The following RANBP17 variants were observed in gnomAD, a reference collection of about 807,000 sequenced individuals.
RANBP17 encodes the protein RAN binding protein 17.
Under a neutral mutation model 141.2 loss-of-function variants are expected in RANBP17, and 158 were observed. The ratio of observed to expected loss-of-function variants is 1.12; its 90% CI spans 0.98 to 1.28. RANBP17 has a LOEUF of 1.28. RANBP17 is among the 50% of genes most tolerant of loss of function. The pLI is 0.00. For missense variants in RANBP17, 1,438 were observed against 1,290.7 expected, an observed-to-expected ratio of 1.11 and a Z score of -1.75; for synonymous variants, 430 against 450.0, an observed-to-expected ratio of 0.96 and a Z score of 0.56.
At chr5:171,219,557 A>G (rs1414134126) in intron 21 of RANBP17, among the ~76,000 whole-genome samples, 2 of 152,004 alleles carry the variant, frequency 1.3e-5, no homozygotes, top group African/African-American at 4.8e-5. Flanking sequence ...CTTTTCACAT[A>G]GTCCCATTTT....
In RANBP17 at chr5:171,090,825, G is replaced by T. The variant is rs962218280; in HGVS notation, c.1711-79305G>T. ...CCCAAGCCTTGGCGACTTCCACATA[G>T]TGTTGAGCCTGCGGGTGCACAGAAG... On this transcript the variant is annotated intron_variant, in intron 14 of 27. Coordinates refer to ENST00000523189, the MANE Select transcript of RANBP17 (RefSeq NM_022897.5). 2.0e-5 allele frequency among the ~76,000 whole-genome samples: 3 copies of T among 152,310 alleles called. No individual in the cohort carries two copies. The East Asian group carries it at 5.8e-4, about 29-fold the overall frequency.
In RANBP17 at chr5:171,114,216, TCCTCATATTTCAGAA is replaced by T. The variant is rs1263747017; in HGVS notation, c.1711-55895_1711-55881del. Among the ~76,000 whole-genome samples the T allele has an allele frequency of 1.4e-4, 21 of 152,266 alleles. No individual in the cohort carries two copies. In the East Asian group the frequency reaches 2.5e-3, roughly 18 times the overall value. On this transcript the variant is annotated intron_variant, in intron 14 of 27. Coordinates refer to ENST00000523189, the MANE Select transcript of RANBP17 (RefSeq NM_022897.5). Reference sequence around the variant, plus strand: ...CTGCTACTCTACAGTGTTAGAACCTTCCTCATATTTCAGAACCTCATATTTCAGAACCTTTCTTTT... The same window carrying T: ...CTGCTACTCTACAGTGTTAGAACCTTCCTCATATTTCAGAACCTTTCTTTT...
intron 22 of RANBP17, among the ~76,000 whole-genome samples, chr5:171,229,153 C>G (rs1042914933): frequency 6.6e-6 from 1 of 152,142 alleles, no homozygotes; most frequent in Non-Finnish European, 1.5e-5. Context: ...AATAGATTGT[C>G]CAGGAACTAT....
chr5:171,288,383 CCAGAAATGAGCCTTTTTTGTCACACCAT>C (rs1164705699), intron 25 of RANBP17, among the ~76,000 whole-genome samples: 2 of 152,190 alleles, frequency 1.3e-5, no homozygotes, highest in Non-Finnish European at 2.9e-5. Context: ...TGAGCCATGG[CCAGAAATGAGCCTTTTTTGTCACACCAT>C]CAGTCCTCCA....
intron 14 of RANBP17, among the ~76,000 whole-genome samples, chr5:171,107,553 T>C (rs180795816): frequency 3.2e-4 from 48 of 152,312 alleles, no homozygotes; most frequent in African/African-American, 1.1e-3. Context: ...CTGATACTTT[T>C]CTCATGCCCT....
At chr5:170,909,074 CTA>C (rs1190928232) in intron 5 of RANBP17, among the ~76,000 whole-genome samples, 1 of 151,698 alleles carries the variant, frequency 6.6e-6, no homozygotes, top group African/African-American at 2.4e-5. Flanking sequence ...GGCCTAAGAG[CTA>C]GTCTTAGTTT....
At chr5:171,113,331 G>C (rs375663321) in intron 14 of RANBP17, among the ~76,000 whole-genome samples, 2 of 152,170 alleles carry the variant, frequency 1.3e-5, no homozygotes, top group South Asian at 4.2e-4. Context: ...ATTACTCTTG[G>C]GATGGGAATG....
intron 14 of RANBP17, among the ~76,000 whole-genome samples, chr5:171,125,410 AAG>A (rs572449946): frequency 6.6e-6 from 1 of 151,906 alleles, no homozygotes; most frequent in Non-Finnish European, 1.5e-5. Flanking sequence ...AAAAAAAAAA[AAG>A]AGAGACAAAG....
chr5:171,284,620 A>C (rs1176956789), intron 25 of RANBP17: 1 of 152,186 alleles, frequency 6.6e-6, no homozygotes. Flanking sequence ...CCACGCGCCC[A>C]GCCTGAGGCC....
intron 14 of RANBP17, among the ~76,000 whole-genome samples, chr5:171,078,025 G>GGA (rs1306229653): frequency 6.6e-6 from 1 of 152,174 alleles, no homozygotes; most frequent in African/African-American, 2.4e-5. Context: ...GGTGCAAGGT[G>GGA]GAGCAGCAAG....
chr5:171,100,865 G>C (rs187543884), intron 14 of RANBP17, among the ~76,000 whole-genome samples: 2 of 152,210 alleles, frequency 1.3e-5, no homozygotes, highest in Non-Finnish European at 2.9e-5. Context: ...TTACCCAGTA[G>C]TCATTCAGGA....
intron 27 of RANBP17, 119 bp downstream of exon 27, chr5:171,296,133 G>A: frequency 1.0e-6 from 1 of 990,236 alleles, no homozygotes; most frequent in East Asian, 2.7e-5. Context: ...TACACCTTGT[G>A]ATCCTAGACT....
chr5:170,948,987 T>TATTTTAA (rs1774993039), intron 12 of RANBP17, among the ~76,000 whole-genome samples: 1 of 152,072 alleles, frequency 6.6e-6, no homozygotes, highest in East Asian at 1.9e-4. Context: ...ACACCTCATC[T>TATTTTAA]CTACAAAATA....
intron 14 of RANBP17, among the ~76,000 whole-genome samples, chr5:171,156,286 A>G (rs1221998798): frequency 6.6e-6 from 1 of 152,104 alleles, no homozygotes; most frequent in Non-Finnish European, 1.5e-5. Context: ...ATGATTTTTA[A>G]AAGACTATGT....
At chr5:171,253,012 TTTC>T in intron 24 of RANBP17, 1 of 1,136,000 alleles carries the variant, frequency 8.8e-7, no homozygotes, top group South Asian at 1.2e-5. Flanking sequence ...GAAGAGATAC[TTTC>T]TGCCGCATTT....
intron 14 of RANBP17, among the ~76,000 whole-genome samples, chr5:171,017,858 G>A (rs1013700047): frequency 5.3e-5 from 8 of 152,128 alleles, no homozygotes; most frequent in Non-Finnish European, 1.2e-4. Flanking sequence ...TGTTGGTTAG[G>A]TTTTCTTCTA....
chr5:171,020,831 A>G (rs146060450), intron 14 of RANBP17, among the ~76,000 whole-genome samples: 4,083 of 152,048 alleles, frequency 0.027, 181 homozygotes, highest in African/African-American at 0.092. Flanking sequence ...CTAGCTGGTT[A>G]TTTTGCACAT....
intron 6 of RANBP17, 117 bp downstream of exon 6, chr5:170,909,882 C>A: frequency 1.6e-6 from 1 of 638,346 alleles, no homozygotes; most frequent in Non-Finnish European, 2.8e-6. Flanking sequence ...TTATTGTGGA[C>A]AGACTTAAGT....
chr5:170,939,458 C>T (rs1423508845), intron 12 of RANBP17, among the ~76,000 whole-genome samples: 1 of 151,898 alleles, frequency 6.6e-6, no homozygotes, highest in African/African-American at 2.4e-5. Context: ...GATCTCAGTT[C>T]ATTGCAACCT....
Sources: allele counts gnomAD v4.1 joint callset (sites outside exome capture counted in the v4.1 genomes callset), GRCh38; gene constraint gnomAD v4.1.1; transcripts MANE v1.5; gene names NCBI Gene and HGNC (gene_info 2026-07-23, HGNC 2026-07-21).